Variants in MSRA observed in about 807,000 individuals in gnomAD.
The protein encoded by MSRA is mitochondrial peptide methionine sulfoxide reductase.
Under a neutral mutation model 31.3 loss-of-function variants are expected in MSRA, and 54 were observed. The ratio of observed to expected loss-of-function variants is 1.73; its 90% CI spans 1.39 to 2.17. MSRA has a LOEUF of 2.17. MSRA is among the 30% of genes most tolerant of loss of function. The probability of loss-of-function intolerance (pLI) is 0.00; values close to 1 mark genes in which losing one functional copy is unlikely to be tolerated. For missense variants in MSRA, 507 were observed against 300.9 expected, an observed-to-expected ratio of 1.69 and a Z score of -5.07; for synonymous variants, 169 against 116.5, an observed-to-expected ratio of 1.45 and a Z score of -2.90.
rs1352796069 is a variant in MSRA at position 10,250,620 on chromosome 8, T to G, written c.331+5397T>G. ...CTCCGGTGGATTTTCAAGCAGGCTG[T>G]TCAGCAGAGGTTTCGAGCAGGAGCC... On this transcript the variant is annotated intron_variant, in intron 3 of 5. Coordinates refer to ENST00000317173, the MANE Select transcript of MSRA (RefSeq NM_012331.5). The G allele has an allele frequency of 2.9e-5, 18 of 621,130 alleles. No homozygotes were observed. In the East Asian group the frequency reaches 4.7e-4, roughly 16 times the overall value. The allele number at this position is 621,130 out of a possible 1,614,324, so 38.5% of individuals were successfully genotyped here.
intron 3 of MSRA, among the ~76,000 whole-genome samples, chr8:10,253,233 G>C (rs1368601598): frequency 2.6e-5 from 4 of 152,190 alleles, no homozygotes; most frequent in Non-Finnish European, 5.9e-5. Context: ...TCTGTTCTTT[G>C]TCATTGAAGG....
At chr8:10,350,241 C>A (rs550649391) in intron 5 of MSRA, among the ~76,000 whole-genome samples, 1 of 152,330 alleles carries the variant, frequency 6.6e-6, no homozygotes, top group African/African-American at 2.4e-5. Flanking sequence ...TAGCTCTGGT[C>A]CCCACCGTCC....
At chr8:10,323,385 T>C (rs1370351597) in intron 5 of MSRA, among the ~76,000 whole-genome samples, 1 of 152,212 alleles carries the variant, frequency 6.6e-6, no homozygotes, top group East Asian at 1.9e-4. Context: ...ACCAAGCGAC[T>C]CTGGAAGCAT....
chr8:10,136,102 A>AG (rs1208121642), intron 1 of MSRA, among the ~76,000 whole-genome samples: 1 of 152,146 alleles, frequency 6.6e-6, no homozygotes, highest in Non-Finnish European at 1.5e-5. Flanking sequence ...TTTAAATTTT[A>AG]GGCCATGAAA....
Position 10,428,029 on chromosome 8 carries a change from C to T in MSRA, c.544-119C>T, listed in dbSNP as rs551065120. ...TGCGGAGAGCCCGGCCTAAAGGGGA[C>T]CCACTGCACATCCCAAGCCACGCGT... On this transcript the variant is annotated intron_variant, in intron 5 of 5. Transcript: ENST00000317173. 357 of 1,062,000 alleles carry T rather than the reference C, an allele frequency of 3.4e-4. 3 individuals are homozygous for T. In the South Asian group the frequency reaches 4.3e-3, roughly 13 times the overall value. 65.8% of individuals were successfully genotyped at this position (1,062,000 alleles called of 1,614,324 possible).
chr8:10,142,262 T>A (rs961921419), intron 1 of MSRA, among the ~76,000 whole-genome samples: 1 of 152,002 alleles, frequency 6.6e-6, no homozygotes, highest in Non-Finnish European at 1.5e-5. Context: ...CTGGCCCTTA[T>A]GTACAGTGTT....
chr8:10,235,817 G>GAAA (rs1811887375), intron 2 of MSRA, among the ~76,000 whole-genome samples: 1 of 152,120 alleles, frequency 6.6e-6, no homozygotes, highest in African/African-American at 2.4e-5. Flanking sequence ...TCTGAGGCCA[G>GAAA]TATAACCTTG....
At chr8:10,065,915 C>T (rs530522061) in intron 1 of MSRA, among the ~76,000 whole-genome samples, 6 of 151,688 alleles carry the variant, frequency 4.0e-5, no homozygotes, top group Middle Eastern at 3.2e-3. Context: ...CTGCTCCTAC[C>T]GTGCCTGTGC....
At chr8:10,323,260 T>C (rs760352678) in intron 5 of MSRA, among the ~76,000 whole-genome samples, 10 of 152,202 alleles carry the variant, frequency 6.6e-5, no homozygotes, top group Admixed American at 2.0e-4. Flanking sequence ...TTCATCCCAC[T>C]GTATTTAATT....
At chr8:10,233,771 G>C (rs1457449346) in intron 2 of MSRA, among the ~76,000 whole-genome samples, 2 of 152,166 alleles carry the variant, frequency 1.3e-5, no homozygotes, top group African/African-American at 4.8e-5. Flanking sequence ...AGCAATATTT[G>C]AGAATATAAT....
intron 1 of MSRA, among the ~76,000 whole-genome samples, chr8:10,201,698 T>C (rs1232159037): frequency 1.3e-5 from 2 of 152,262 alleles, no homozygotes; most frequent in Non-Finnish European, 2.9e-5. Context: ...GTCAGTATCA[T>C]CTTCTTAAGC....
At chr8:10,235,228 G>C (rs1044461191) in intron 2 of MSRA, among the ~76,000 whole-genome samples, 1 of 152,084 alleles carries the variant, frequency 6.6e-6, no homozygotes, top group African/African-American at 2.4e-5. Flanking sequence ...TCTCTAACAT[G>C]ATGCAATCAA....
chr8:10,115,199 C>T (rs889735755), intron 1 of MSRA, among the ~76,000 whole-genome samples: 1 of 152,190 alleles, frequency 6.6e-6, no homozygotes, highest in African/African-American at 2.4e-5. Context: ...TGTCTCACAT[C>T]AGCTGACAGC....
chr8:10,420,266 C>T lies in MSRA; in HGVS notation c.544-7882C>T, dbSNP rs192118102. Among the ~76,000 whole-genome samples the T allele has an allele frequency of 4.1e-3, 612 of 151,022 alleles. 5 individuals carry two copies. The highest frequency in any genetic ancestry group is 6.9e-3 in the Middle Eastern group (2 of 288). ...GACAGAAAGCAGAATGGGGGTTGCC[C>T]GGGGCTGGGGAGTAGGGGAACAGGG... On this transcript the variant is annotated intron_variant, in intron 5 of 5. Transcript: ENST00000317173.
In MSRA at chr8:10,422,595, C is replaced by CA. The variant is rs111838884; in HGVS notation, c.544-5546dup. ...CTAAAAGGTCAGCAAGACACACACA[C>CA]AAAAAAATGCCACAAGCAAAAGTCA... On this transcript the variant is annotated intron_variant, in intron 5 of 5. Transcript: ENST00000317173. Among the ~76,000 whole-genome samples, 14 of 152,142 alleles carry CA rather than the reference C, an allele frequency of 9.2e-5. 1 individual carries two copies. In the Middle Eastern group the frequency reaches 0.01, roughly 111 times the overall value.
At chr8:10,330,007 TGTGTG>T (rs1480473638) in intron 5 of MSRA, among the ~76,000 whole-genome samples, 7 of 2,980 alleles carry the variant, frequency 2.3e-3, no homozygotes, top group African/African-American at 4.4e-3. Flanking sequence ...GAGAAAAAAA[TGTGTG>T]TGTGTGTGTG....
intron 1 of MSRA, among the ~76,000 whole-genome samples, chr8:10,119,736 G>A (rs1800969090): frequency 6.6e-6 from 1 of 152,260 alleles, no homozygotes; most frequent in African/African-American, 2.4e-5. Context: ...TGGGGGAGAC[G>A]TCTTATAATC....
intron 3 of MSRA, among the ~76,000 whole-genome samples, chr8:10,283,748 G>T (rs1168970989): frequency 7.0e-6 from 1 of 142,554 alleles, no homozygotes; most frequent in Non-Finnish European, 1.5e-5. Flanking sequence ...TCTCATCCAG[G>T]TTGCTGTGAA....
At chr8:10,386,294 C>A (rs1224365350) in intron 5 of MSRA, among the ~76,000 whole-genome samples, 1 of 152,192 alleles carries the variant, frequency 6.6e-6, no homozygotes, top group Non-Finnish European at 1.5e-5. Context: ...GACTCTTCCG[C>A]TGTCCCATAT....
Sources: allele counts gnomAD v4.1 joint callset (sites outside exome capture counted in the v4.1 genomes callset), GRCh38; gene constraint gnomAD v4.1.1; transcripts MANE v1.5; gene names NCBI Gene and HGNC (gene_info 2026-07-23, HGNC 2026-07-21).